ANTXR2: variants seen among roughly 807,000 people sequenced by gnomAD.
ANTXR2 encodes ANTXR cell adhesion molecule 2, also known as anthrax toxin receptor 2.
In ANTXR2, 44 loss-of-function variants were observed where a neutral mutation model predicts 73.7. That is an observed-to-expected ratio of 0.60 (90% CI 0.47 to 0.77). The LOEUF (loss-of-function observed/expected upper bound fraction) is 0.77, where lower values mean the gene tolerates loss of function less well. ANTXR2 is among the 30% of genes least tolerant of loss of function. The pLI is 0.00. For missense variants in ANTXR2, 604 were observed against 592.5 expected, an observed-to-expected ratio of 1.02 and a Z score of -0.20; for synonymous variants, 217 against 205.9, an observed-to-expected ratio of 1.05 and a Z score of -0.46.
intron 7 of ANTXR2, among the ~76,000 whole-genome samples, chr4:80,046,796 C>G (rs1239629747): frequency 6.6e-6 from 1 of 151,678 alleles, no homozygotes; most frequent in Non-Finnish European, 1.5e-5. Context: ...TTTGGTAATA[C>G]AAAACACAGC....
chr4:80,071,312 A>G (rs1467706386), intron 2 of ANTXR2, among the ~76,000 whole-genome samples: 2 of 152,228 alleles, frequency 1.3e-5, no homozygotes, highest in Non-Finnish European at 2.9e-5. Flanking sequence ...ACTGAAATTC[A>G]AAACAGATGA....
intron 9 of ANTXR2, among the ~76,000 whole-genome samples, chr4:80,032,540 C>T (rs992139578): frequency 2.6e-5 from 4 of 151,756 alleles, no homozygotes; most frequent in African/African-American, 9.7e-5. Flanking sequence ...AAGATCCTTA[C>T]CATTTTAATT....
At chr4:79,983,742 T>A (rs1264591239) in intron 14 of ANTXR2, 136 bp downstream of exon 14, 2 of 723,970 alleles carry the variant, frequency 2.8e-6, no homozygotes, top group Non-Finnish European at 4.6e-6. Flanking sequence ...AAAAAATGTA[T>A]CCAGAAAAGA....
chr4:80,002,272 C>T (rs532060150), intron 12 of ANTXR2, among the ~76,000 whole-genome samples: 20 of 151,904 alleles, frequency 1.3e-4, no homozygotes, highest in Non-Finnish European at 2.4e-4. Context: ...TACAACTAAC[C>T]GATCTTTGAC....
At position 80,073,096 on chromosome 4, in the gene ANTXR2, C is replaced by G. The variant is rs1346371957; in HGVS notation, c.-536G>C. On this transcript the variant is annotated 5_prime_UTR_variant, in exon 1 of 17. Coordinates refer to ENST00000403729, the MANE Select transcript of ANTXR2 (RefSeq NM_058172.6). ...CCTCCGCACTCCGAAACTTTCCTCC[C>G]GGTGCTGGACTCTGGCACTGCGCTG... The G allele has an allele frequency of 6.5e-6, 1 of 152,748 alleles. No homozygotes were observed. Among genetic ancestry groups the G allele is most frequent in the Non-Finnish European group, 1.5e-5 (1 of 68,420 alleles). The allele number at this position is 152,748 out of a possible 1,614,324, so 9.5% of individuals were successfully genotyped here. A position where few individuals can be genotyped will look rare whatever the true frequency, so the allele number is the denominator to read the frequency against.
intron 16 of ANTXR2, among the ~76,000 whole-genome samples, chr4:79,915,858 CTCTCTATA>C (rs1304938577): frequency 8.7e-4 from 102 of 117,644 alleles, no homozygotes; most frequent in East Asian, 5.0e-3. Context: ...CTCTCTCTCT[CTCTCTATA>C]TATATATATA....
chr4:79,937,769 T>TGAGC (rs1345985249), intron 16 of ANTXR2, among the ~76,000 whole-genome samples: 2 of 151,464 alleles, frequency 1.3e-5, no homozygotes, highest in Non-Finnish European at 2.9e-5. Context: ...GCTCCCAGCG[T>TGAGC]GAGCGACGCA....
At chr4:79,915,181 A>G (rs1271557720) in intron 16 of ANTXR2, among the ~76,000 whole-genome samples, 1 of 152,178 alleles carries the variant, frequency 6.6e-6, no homozygotes, top group Non-Finnish European at 1.5e-5. Flanking sequence ...CTGATATTAC[A>G]TTACTACTCT....
chr4:79,976,384 A>G (rs915160829), intron 16 of ANTXR2, among the ~76,000 whole-genome samples: 2 of 152,168 alleles, frequency 1.3e-5, no homozygotes, highest in African/African-American at 4.8e-5. Flanking sequence ...ATTGATGATT[A>G]ACTAAAACAG....
At chr4:80,052,112 T>C (rs1733797083) in intron 7 of ANTXR2, among the ~76,000 whole-genome samples, 1 of 151,670 alleles carries the variant, frequency 6.6e-6, no homozygotes, top group Non-Finnish European at 1.5e-5. Flanking sequence ...CTGAAAGACT[T>C]AAAATTTTTT....
chr4:80,057,702 TAAAA>T lies in ANTXR2; in HGVS notation c.297-1693_297-1690del, dbSNP rs10717745. On this transcript the variant is annotated intron_variant, in intron 3 of 16. Transcript: ENST00000403729. Reference sequence around the variant, plus strand: ...TACTCATATTCATGTTTTACCATAATAAAAAAAAGTTCTCTCCTAAAAACATTCA... The same window carrying T: ...TACTCATATTCATGTTTTACCATAATAAAAGTTCTCTCCTAAAAACATTCA... 6.3e-4 allele frequency among the ~76,000 whole-genome samples: 96 copies of T among 151,750 alleles called. 1 individual carries two copies. The highest frequency in any genetic ancestry group is 6.2e-3 in the Admixed American group (94 of 15,208).
At position 79,904,913 on chromosome 4, in the gene ANTXR2, AAC is replaced by A. The variant is rs1726847157; in HGVS notation, c.*2514_*2515del. On this transcript the variant is annotated 3_prime_UTR_variant, in exon 17 of 17. Transcript: ENST00000403729. ...TGATCTGGTCTTTTGGTAAGAAAAT[AAC>A]ACTCTTCAAAACAAATTCTTTTCAA... 6.6e-6 allele frequency: 1 copy of A among 152,210 alleles called. No individual in the cohort carries two copies. Among genetic ancestry groups the A allele is most frequent in the Non-Finnish European group, 1.5e-5 (1 of 68,030 alleles). 9.4% of individuals were successfully genotyped at this position (152,210 alleles called of 1,614,324 possible). A position where few individuals can be genotyped will look rare whatever the true frequency, so the allele number is the denominator to read the frequency against.
chr4:80,058,837 A>G (rs1345993927), intron 3 of ANTXR2, among the ~76,000 whole-genome samples: 3 of 152,138 alleles, frequency 2.0e-5, no homozygotes, highest in African/African-American at 7.2e-5. Context: ...CTTCAACTAC[A>G]GGGAACAGCA....
chr4:79,978,654 G>C (rs1729750022), intron 14 of ANTXR2, among the ~76,000 whole-genome samples: 1 of 152,220 alleles, frequency 6.6e-6, no homozygotes, highest in Admixed American at 6.5e-5. Context: ...CAGTGAGATA[G>C]AGACTCTATT....
rs1173748547 is a variant in ANTXR2 at position 79,904,860 on chromosome 4, T to C, written c.*2569A>G. 6.6e-6 allele frequency: 1 copy of C among 152,164 alleles called. No individual in the cohort carries two copies. 9.4% of individuals were successfully genotyped at this position (152,164 alleles called of 1,614,324 possible). A position where few individuals can be genotyped will look rare whatever the true frequency, so the allele number is the denominator to read the frequency against. ...TATAGAAATGGCTTCATTTTAATCT[T>C]TTTTTGGTGGAAAAGTATAGGGATT... On this transcript the variant is annotated 3_prime_UTR_variant, in exon 17 of 17. Transcript: ENST00000403729.
Position 80,072,879 on chromosome 4 carries a change from G to A in ANTXR2, c.-319C>T. The A allele has an allele frequency of 2.7e-6, 1 of 375,622 alleles. No homozygotes were observed. Among genetic ancestry groups the A allele is most frequent in the Non-Finnish European group, 4.2e-6 (1 of 239,740 alleles). The allele number at this position is 375,622 out of a possible 1,614,324, so 23.3% of individuals were successfully genotyped here. ...CAATGCGGGCCCACGGCGACAGCTC[G>A]CGAAAGGAGTTCCTCTCCGGCCTGG... On this transcript the variant is annotated 5_prime_UTR_variant, in exon 1 of 17. Coordinates refer to ENST00000403729, the MANE Select transcript of ANTXR2 (RefSeq NM_058172.6).
Position 79,906,385 on chromosome 4 carries a change from C to A in ANTXR2, c.*1044G>T, listed in dbSNP as rs1392381019. On this transcript the variant is annotated 3_prime_UTR_variant, in exon 17 of 17. Transcript: ENST00000403729. ...TGAGCAAAATCTTCACAGGCTGCTGCTTGCTGTTGCTTTTAATTATATTAA... is the reference window on the plus strand; with the variant it reads ...TGAGCAAAATCTTCACAGGCTGCTGATTGCTGTTGCTTTTAATTATATTAA... 6.6e-6 allele frequency: 1 copy of A among 152,556 alleles called. No individual in the cohort carries two copies. The highest frequency in any genetic ancestry group is 1.5e-5 in the Non-Finnish European group (1 of 68,018). 9.5% of individuals were successfully genotyped at this position (152,556 alleles called of 1,614,324 possible). A position where few individuals can be genotyped will look rare whatever the true frequency, so the allele number is the denominator to read the frequency against.
intron 16 of ANTXR2, among the ~76,000 whole-genome samples, chr4:79,958,584 G>A (rs898425744): frequency 1.3e-5 from 2 of 152,046 alleles, no homozygotes; most frequent in Admixed American, 6.6e-5. Flanking sequence ...TGTGAAAAAC[G>A]AAGGTCCTGA....
At position 80,072,969 on chromosome 4, in the gene ANTXR2, T is replaced by C. The variant is rs984909767; in HGVS notation, c.-409A>G. The C allele has an allele frequency of 1.8e-5, 3 of 167,424 alleles. No individual in the cohort carries two copies. The highest frequency in any genetic ancestry group is 2.5e-5 in the Non-Finnish European group (2 of 78,708). The allele number at this position is 167,424 out of a possible 1,614,324, so 10.4% of individuals were successfully genotyped here. A position where few individuals can be genotyped will look rare whatever the true frequency, so the allele number is the denominator to read the frequency against. ...ACCCACCCCGCCTGGAGGGCTGAAGTCCCCCCCGCTGCCGTGCGCTTCGGG... is the reference window on the plus strand; with the variant it reads ...ACCCACCCCGCCTGGAGGGCTGAAGCCCCCCCCGCTGCCGTGCGCTTCGGG... On this transcript the variant is annotated 5_prime_UTR_variant, in exon 1 of 17. Transcript: ENST00000403729.
Sources: allele counts gnomAD v4.1 joint callset (sites outside exome capture counted in the v4.1 genomes callset), GRCh38; gene constraint gnomAD v4.1.1; transcripts MANE v1.5; gene names NCBI Gene and HGNC (gene_info 2026-07-23, HGNC 2026-07-21).